Variants in DCHS2 observed in about 807,000 individuals in gnomAD.
The protein encoded by DCHS2 is protocadherin-23.
In DCHS2, 142 loss-of-function variants were observed where a neutral mutation model predicts 182.4. That is an observed-to-expected ratio of 0.78 (90% CI 0.68 to 0.89). The LOEUF is 0.89. Among genes scored for constraint, DCHS2 ranks in the 40% least tolerant of loss-of-function variants. The pLI, the probability that DCHS2 is intolerant of heterozygous loss-of-function variation, is 0.00. For synonymous variants in DCHS2, 1,740 were observed against 1,663.3 expected (o/e 1.05, Z -1.12); for missense variants, 4,319 against 4,198.6 (o/e 1.03, Z -0.79).
intron 13 of DCHS2, among the ~76,000 whole-genome samples, chr4:154,272,615 A>G (rs7440122): frequency 0.48 from 72,655 of 151,890 alleles, 18,828 homozygotes; most frequent in Non-Finnish European, 0.58. Flanking sequence ...CATGTAAGGC[A>G]TGCCTCCACC....
rs755916372 is a variant in DCHS2, at chr4:154,255,659, G to A, written c.6801C>T (p.Thr2267=). 2.5e-5 allele frequency: 41 copies of A among 1,610,718 alleles called. No homozygotes were observed. The highest frequency in any genetic ancestry group is 3.4e-5 in the Admixed American group (2 of 59,578). ...GGCCGTTCAAACCACTGTCCAAGTC[G>A]GTAGCAAAAACCTGTGAGGAACCGA... ...YNAHVIQVFA[T]DLDSGLNGLI... Residue 2267 remains threonine (T), a synonymous_variant, in exon 16 of 20, where the codon ACC becomes ACT. Transcript: ENST00000357232.
At chr4:154,338,295 T>C (rs1312057460) in intron 3 of DCHS2, among the ~76,000 whole-genome samples, 1 of 152,160 alleles carries the variant, frequency 6.6e-6, no homozygotes, top group East Asian at 1.9e-4. Context: ...CAATTTACTA[T>C]ACATAAGGAG....
chr4:154,236,123 T>G lies in DCHS2; in HGVS notation c.8529A>C (p.Glu2843Asp). Residue 2843 changes from glutamate (E) to aspartate (D), a missense_variant, in exon 20 of 20, where the codon GAA becomes GAC. By Grantham distance (45) the Glu-to-Asp change is conservative (BLOSUM62 2). Transcript: ENST00000357232. ...DIHAKQILDY[E>D]NGNKYCLTVQ... ...CTGTGAGGCAGTATTTATTGCCATTTTCATAGTCAAGGATTTGCTTAGCAT... is the reference window on the plus strand; with the variant it reads ...CTGTGAGGCAGTATTTATTGCCATTGTCATAGTCAAGGATTTGCTTAGCAT... The G allele has an allele frequency of 6.2e-7, 1 of 1,613,764 alleles. No individual in the cohort carries two copies. The highest frequency in any genetic ancestry group is 8.5e-7 in the Non-Finnish European group (1 of 1,179,944).
At chr4:154,413,872 A>G (rs1320409564) in intron 1 of DCHS2, among the ~76,000 whole-genome samples, 1 of 152,204 alleles carries the variant, frequency 6.6e-6, no homozygotes. Context: ...TTACCCTTGT[A>G]AACAGAACTT....
intron 13 of DCHS2, among the ~76,000 whole-genome samples, chr4:154,274,374 C>G (rs80042163): frequency 6.6e-6 from 1 of 152,242 alleles, no homozygotes; most frequent in African/African-American, 2.4e-5. Context: ...ACAAATCTCT[C>G]CTCTTTTGTT....
At chr4:154,453,816 C>T (rs901167082) in intron 1 of DCHS2, among the ~76,000 whole-genome samples, 7 of 152,132 alleles carry the variant, frequency 4.6e-5, no homozygotes, top group Non-Finnish European at 7.4e-5. Context: ...GAGGCTGAAC[C>T]TCAGAGCATC....
At chr4:154,356,440 T>G (rs990014475) in intron 3 of DCHS2, among the ~76,000 whole-genome samples, 2 of 152,198 alleles carry the variant, frequency 1.3e-5, no homozygotes, top group African/African-American at 4.8e-5. Flanking sequence ...TGATGTAGCC[T>G]AAGTGTAGTA....
At position 154,478,256 on chromosome 4, in the gene DCHS2, T is replaced by C. The variant is rs901985236; in HGVS notation, c.2052+11048A>G. On this transcript the variant is annotated intron_variant, in intron 1 of 19. Transcript: ENST00000357232. Reference sequence around the variant, plus strand: ...TTAAGTCTTAATGATCTGAATCTCATTGAAAGTAATAGAAATTGAAATGCA... The same window carrying C: ...TTAAGTCTTAATGATCTGAATCTCACTGAAAGTAATAGAAATTGAAATGCA... Among the ~76,000 whole-genome samples the C allele has an allele frequency of 2.0e-5, 3 of 152,166 alleles. No individual in the cohort carries two copies. In the East Asian group the frequency reaches 5.8e-4, roughly 29 times the overall value.
At chr4:154,467,782 G>A (rs1735298894) in intron 1 of DCHS2, among the ~76,000 whole-genome samples, 1 of 152,084 alleles carries the variant, frequency 6.6e-6, no homozygotes, top group Admixed American at 6.6e-5. Flanking sequence ...TAAAATAGGT[G>A]TATTTTTATA....
intron 1 of DCHS2, among the ~76,000 whole-genome samples, chr4:154,386,984 A>G (rs1467085821): frequency 1.3e-5 from 2 of 152,242 alleles, no homozygotes; most frequent in Non-Finnish European, 2.9e-5. Flanking sequence ...GCAAAAAGAA[A>G]AGAAAACTAT....
chr4:154,236,238 G>A lies in DCHS2; in HGVS notation c.8414C>T (p.Thr2805Ile). Residue 2805 changes from threonine to isoleucine, a missense_variant, in exon 20 of 20, where the codon ACC becomes ATC. Transcript: ENST00000357232. ...DFDAGPYGEL[T>I]YSIVSPCFLT... ...AAAACAGGGTGATACAATAGAATAG[G>A]TCAATTCTCCATACGGACCAGCATC... 3 of 1,613,940 alleles carry A rather than the reference G, an allele frequency of 1.9e-6. No individual in the cohort carries two copies. The highest frequency in any genetic ancestry group is 4.5e-5 in the East Asian group (2 of 44,846).
At chr4:154,458,313 A>G (rs957461534) in intron 1 of DCHS2, among the ~76,000 whole-genome samples, 5 of 152,192 alleles carry the variant, frequency 3.3e-5, no homozygotes, top group Admixed American at 3.3e-4. Flanking sequence ...TGGAATTTTC[A>G]TTATGGAATC....
chr4:154,336,335 C>T (rs987413010), intron 3 of DCHS2, among the ~76,000 whole-genome samples: 2 of 152,098 alleles, frequency 1.3e-5, no homozygotes, highest in Non-Finnish European at 2.9e-5. Context: ...AACCTGAAAA[C>T]GGATCTAATG....
At chr4:154,282,880 G>A (rs1163811589) in intron 13 of DCHS2, among the ~76,000 whole-genome samples, 2 of 152,084 alleles carry the variant, frequency 1.3e-5, no homozygotes, top group African/African-American at 4.8e-5. Context: ...CCTGTTATAT[G>A]CTACAAAATG....
intron 3 of DCHS2, among the ~76,000 whole-genome samples, chr4:154,350,369 C>T (rs1196251719): frequency 6.6e-6 from 1 of 152,126 alleles, no homozygotes; most frequent in Non-Finnish European, 1.5e-5. Context: ...GCAGAAAGGA[C>T]TACATAATTA....
chr4:154,327,129 T>G (rs1424239187), intron 7 of DCHS2, among the ~76,000 whole-genome samples: 1 of 152,140 alleles, frequency 6.6e-6, no homozygotes, highest in Non-Finnish European at 1.5e-5. Flanking sequence ...TAGAGACAGA[T>G]CCTATCTGTG....
At chr4:154,344,681 C>T (rs1451877374) in intron 3 of DCHS2, among the ~76,000 whole-genome samples, 1 of 152,204 alleles carries the variant, frequency 6.6e-6, no homozygotes, top group Non-Finnish European at 1.5e-5. Flanking sequence ...ATTGCTACCT[C>T]TATCAAAAAG....
Position 154,269,962 on chromosome 4 carries a change from C to T in DCHS2, c.6515G>A (p.Ser2172Asn). The T allele has an allele frequency of 6.2e-7, 1 of 1,612,476 alleles. No homozygotes were observed. The highest frequency in any genetic ancestry group is 8.5e-7 in the Non-Finnish European group (1 of 1,179,166). Residue 2172 changes from serine to asparagine, a missense_variant, in exon 14 of 20, where the codon AGC (serine) becomes AAC (asparagine). Ser to Asn is a conservative substitution (Grantham distance 46). Transcript: ENST00000357232. ...TCCACTAAAAATTGAATATTTCATGCTGTCCTGAATTGAGTCAGGAGCAAA... is the reference window on the plus strand; with the variant it reads ...TCCACTAAAAATTGAATATTTCATGTTGTCCTGAATTGAGTCAGGAGCAAA... Reference protein sequence around the residue: ...KAFAPDSIQDSMKYSIFSGNE... With the variant: ...KAFAPDSIQDNMKYSIFSGNE...
chr4:154,338,568 T>C (rs1028423805), intron 3 of DCHS2, among the ~76,000 whole-genome samples: 5 of 152,230 alleles, frequency 3.3e-5, no homozygotes, highest in Admixed American at 2.0e-4. Flanking sequence ...GTGATACTTA[T>C]CAAAATTTTA....
Sources: gnomAD v4.1 joint callset for allele counts (sites outside exome capture counted in the v4.1 genomes callset) on GRCh38, gnomAD v4.1.1 for gene constraint, MANE v1.5 for transcripts, NCBI Gene and HGNC (gene_info 2026-07-23, HGNC 2026-07-21) for gene names.